MATN2: variants seen among roughly 807,000 people sequenced by gnomAD.
The protein encoded by MATN2 is matrilin-2.
In MATN2, 69 loss-of-function variants were observed where a neutral mutation model predicts 103.2. The observed-to-expected ratio is 0.67, with a 90% CI of 0.55 to 0.82. The LOEUF is 0.82. Ranked by LOEUF, MATN2 falls within the 40% of genes least tolerant of loss-of-function variation. The pLI is 0.00. For missense variants in MATN2, 1,023 were observed against 1,211.5 expected, an observed-to-expected ratio of 0.84 and a Z score of 2.31; for synonymous variants, 429 against 450.2, an observed-to-expected ratio of 0.95 and a Z score of 0.60.
intron 18 of MATN2, among the ~76,000 whole-genome samples, chr8:98,035,280 C>T (rs757057669): frequency 5.9e-5 from 9 of 151,958 alleles, no homozygotes; most frequent in Non-Finnish European, 1.2e-4. Context: ...TCGCTTGAAC[C>T]CAGGAGGCGG....
At chr8:98,019,325 G>C (rs1323945312) in intron 12 of MATN2, among the ~76,000 whole-genome samples, 2 of 152,066 alleles carry the variant, frequency 1.3e-5, no homozygotes, top group African/African-American at 4.8e-5. Flanking sequence ...AAATCTGTAG[G>C]GCAGCCTGGA....
chr8:97,962,122 C>T (rs932348939), intron 5 of MATN2, among the ~76,000 whole-genome samples: 4 of 152,332 alleles, frequency 2.6e-5, no homozygotes, highest in South Asian at 4.1e-4. Flanking sequence ...GACATCCCCC[C>T]TGTTTATCTA....
rs1809985500 is a variant in MATN2 at position 97,926,229 on chromosome 8, A to C, written c.143-4724A>C. ...AAACTGTCCTCCAACTGTGGCTGAAAACCCTGTCATGAGAGGCCAGAAGGA... is the reference window on the plus strand; with the variant it reads ...AAACTGTCCTCCAACTGTGGCTGAACACCCTGTCATGAGAGGCCAGAAGGA... On this transcript the variant is annotated intron_variant, in intron 2 of 18. Coordinates refer to ENST00000254898, the MANE Select transcript of MATN2 (RefSeq NM_002380.5). Among the ~76,000 whole-genome samples the C allele has an allele frequency of 2.6e-5, 4 of 152,146 alleles. No individual in the cohort carries two copies. In the South Asian group the frequency reaches 8.3e-4, roughly 32 times the overall value.
At chr8:97,939,826 T>C (rs1340570370) in intron 3 of MATN2, among the ~76,000 whole-genome samples, 1 of 152,234 alleles carries the variant, frequency 6.6e-6, no homozygotes, top group East Asian at 1.9e-4. Context: ...TGAACATGTC[T>C]TCACAGTTTG....
At chr8:97,893,940 A>G (rs1028345076) in intron 2 of MATN2, among the ~76,000 whole-genome samples, 2 of 152,192 alleles carry the variant, frequency 1.3e-5, no homozygotes, top group Admixed American at 1.3e-4. Flanking sequence ...TCTTGTTGAC[A>G]TATGCATTCT....
At chr8:97,936,946 T>C (rs1563678663) in intron 3 of MATN2, among the ~76,000 whole-genome samples, 1 of 152,192 alleles carries the variant, frequency 6.6e-6, no homozygotes, top group Non-Finnish European at 1.5e-5. Flanking sequence ...TCCATTTTTT[T>C]CTAAAAGGAG....
At chr8:97,929,084 G>T (rs191112636) in intron 2 of MATN2, among the ~76,000 whole-genome samples, 1 of 152,040 alleles carries the variant, frequency 6.6e-6, no homozygotes. Context: ...AGCCCTCAGG[G>T]TTATGCATGG....
intron 8 of MATN2, among the ~76,000 whole-genome samples, chr8:98,006,084 G>T (rs1812958841): frequency 6.6e-6 from 1 of 152,228 alleles, no homozygotes; most frequent in East Asian, 1.9e-4. Flanking sequence ...AGCCTGCAGG[G>T]CTGTTAGTGG....
At chr8:98,001,830 C>A (rs1028049947) in intron 7 of MATN2, among the ~76,000 whole-genome samples, 19 of 152,104 alleles carry the variant, frequency 1.2e-4, no homozygotes, top group Admixed American at 5.2e-4. Context: ...CAGTAAGCTT[C>A]TTATGTTTCA....
chr8:97,988,187 T>TAC lies in MATN2; in HGVS notation c.1082-6292_1082-6291insCA, dbSNP rs1236146606. Among the ~76,000 whole-genome samples the TAC allele has an allele frequency of 1.0e-3, 94 of 93,238 alleles. 7 individuals carry two copies. The highest frequency in any genetic ancestry group is 4.5e-3 in the African/African-American group (85 of 18,794). 61.2% of individuals were successfully genotyped at this position (93,238 alleles called of 152,430 possible). A position where few individuals can be genotyped will look rare whatever the true frequency, so the allele number is the denominator to read the frequency against. On this transcript the variant is annotated intron_variant, in intron 6 of 18. Coordinates refer to ENST00000254898, the MANE Select transcript of MATN2 (RefSeq NM_002380.5). ...AAAAAAAAAAATATATATATATATATATACACACACACACATATGTATACA... is the reference window on the plus strand; with the variant it reads ...AAAAAAAAAAATATATATATATATATACATACACACACACACATATGTATACA...
chr8:97,964,731 G>A (rs1811429519), intron 5 of MATN2, among the ~76,000 whole-genome samples: 1 of 151,898 alleles, frequency 6.6e-6, no homozygotes, highest in Admixed American at 6.6e-5. Flanking sequence ...CACCTCGCCT[G>A]ATGCCATTTC....
Position 98,007,526 on chromosome 8 carries a change from G to A in MATN2, c.1498G>A (p.Val500Ile). Residue 500 changes from valine (V) to isoleucine (I), a missense_variant, in exon 10 of 19, where the codon GTC becomes ATC. Physicochemically the swap from Val to Ile is conservative, Grantham distance 29. Coordinates refer to ENST00000254898, the MANE Select transcript of MATN2 (RefSeq NM_002380.5). The surrounding 1 kb of genome is among the most constrained non-coding windows in gnomAD (Gnocchi z 4.2). ...TGACCATGGTTGTGAATACTCCTGT[G>A]TCAACATGGACAGATCCTTTGCCTG... Reference protein sequence around the residue: ...LSDHGCEYSCVNMDRSFACQC... With the variant: ...LSDHGCEYSCINMDRSFACQC... The A allele has an allele frequency of 6.2e-7, 1 of 1,613,674 alleles. No homozygotes were observed. The highest frequency in any genetic ancestry group is 8.5e-7 in the Non-Finnish European group (1 of 1,179,590).
At chr8:97,953,231 A>G (rs1168155277) in intron 4 of MATN2, among the ~76,000 whole-genome samples, 1 of 152,150 alleles carries the variant, frequency 6.6e-6, no homozygotes, top group African/African-American at 2.4e-5. Flanking sequence ...TAGGTACCCA[A>G]TAAAGTGAAA....
chr8:97,954,148 ATTCTT>A (rs1004467896), intron 4 of MATN2, among the ~76,000 whole-genome samples: 2 of 152,074 alleles, frequency 1.3e-5, no homozygotes, highest in African/African-American at 4.8e-5. Context: ...CAAAGTCGAT[ATTCTT>A]TTCACCTGCC....
chr8:97,917,145 GCAC>G, intron 2 of MATN2, among the ~76,000 whole-genome samples: 1 of 152,212 alleles, frequency 6.6e-6, no homozygotes, highest in East Asian at 1.9e-4. Context: ...CCATTCCCCA[GCAC>G]CTTCATAAAA....
rs1273126984 is a variant in MATN2, at chr8:98,018,090, T to C, written c.1793T>C (p.Leu598Pro). ...YTCECLEGFR[L>P]AEDGKRCRRK... The stretch of plus-strand genomic sequence containing the variant: ...TGCGAGTGCTTGGAGGGATTCCGGC[T>C]CGCTGAGGATGGGAAACGCTGCCGA... Residue 598 changes from leucine to proline, a missense_variant, in exon 12 of 19, where the codon CTC becomes CCC. By Grantham distance (98) the Leu-to-Pro change is moderately conservative. Transcript: ENST00000254898. 1 of 1,613,796 alleles carries C rather than the reference T, an allele frequency of 6.2e-7. No individual in the cohort carries two copies. The highest frequency in any genetic ancestry group is 8.5e-7 in the Non-Finnish European group (1 of 1,179,828).
At chr8:97,999,134 T>A (rs752733581) in intron 7 of MATN2, among the ~76,000 whole-genome samples, 14 of 152,264 alleles carry the variant, frequency 9.2e-5, no homozygotes, top group Non-Finnish European at 1.9e-4. Context: ...CTTGGCATAA[T>A]GTCTTCAAGG....
rs531002837 is a variant in MATN2, at chr8:97,919,827, T to C, written c.143-11126T>C. Among the ~76,000 whole-genome samples the C allele has an allele frequency of 3.3e-5, 5 of 152,304 alleles. No homozygotes were observed. In the East Asian group the frequency reaches 9.7e-4, roughly 29 times the overall value. On this transcript the variant is annotated intron_variant, in intron 2 of 18. Coordinates refer to ENST00000254898, the MANE Select transcript of MATN2 (RefSeq NM_002380.5). ...TGGCCAGGTAGCTGCATGTGTGAGA[T>C]ACTGGTGGAAGACACTCAGACAGAG...
At chr8:98,020,882 G>A (rs1430651143) in intron 12 of MATN2, 1 of 216,292 alleles carries the variant, frequency 4.6e-6, no homozygotes, top group Non-Finnish European at 9.3e-6. Context: ...CATGAGAAAT[G>A]TTCATTAGAC....
Sources: gnomAD v4.1 joint callset for allele counts (sites outside exome capture counted in the v4.1 genomes callset) on GRCh38, gnomAD v4.1.1 for gene constraint, Gnocchi (gnomAD v3.1) non-coding constraint, MANE v1.5 for transcripts, NCBI Gene and HGNC (gene_info 2026-07-23, HGNC 2026-07-21) for gene names.